CAPZB: variants seen among roughly 807,000 people sequenced by gnomAD.
CAPZB encodes the protein capping actin protein of muscle Z-line subunit beta.
A neutral mutation model predicts 38.1 loss-of-function variants in CAPZB; 2 were observed. The ratio of observed to expected loss-of-function variants is 0.05; its 90% CI spans 0.02 to 0.17. CAPZB has a LOEUF of 0.17. Among genes scored for constraint, CAPZB ranks in the 10% least tolerant of loss-of-function variants. The probability of loss-of-function intolerance (pLI) is 1.00; values close to 1 mark genes in which losing one functional copy is unlikely to be tolerated. For synonymous variants in CAPZB, 107 were observed against 127.4 expected (o/e 0.84, Z 1.08); for missense variants, 161 against 334.2 (o/e 0.48, Z 4.04).
At chr1:19,408,412 A>C (rs1414522247) in intron 2 of CAPZB, among the ~76,000 whole-genome samples, 1 of 152,232 alleles carries the variant, frequency 6.6e-6, no homozygotes, top group Non-Finnish European at 1.5e-5. Context: ...CCAAGGTCTC[A>C]AAGCTGGAAG....
intron 4 of CAPZB, among the ~76,000 whole-genome samples, chr1:19,373,677 T>C (rs1012984578): frequency 6.9e-6 from 1 of 145,210 alleles, no homozygotes; most frequent in Admixed American, 6.7e-5. Context: ...TCACATATTT[T>C]TTATTTTTTA....
At chr1:19,389,463 T>C (rs2094220759) in intron 2 of CAPZB, among the ~76,000 whole-genome samples, 2 of 152,088 alleles carry the variant, frequency 1.3e-5, no homozygotes, top group Non-Finnish European at 2.9e-5. Flanking sequence ...AGTCCAGCTC[T>C]GTCACCCAGG....
intron 1 of CAPZB, among the ~76,000 whole-genome samples, chr1:19,457,865 A>AAAC (rs999041921): frequency 1.3e-5 from 2 of 152,170 alleles, no homozygotes; most frequent in Non-Finnish European, 2.9e-5. Context: ...AAAAAAAGAA[A>AAAC]AACAACAACA....
chr1:19,410,595 G>T (rs566482966), intron 2 of CAPZB, among the ~76,000 whole-genome samples: 7 of 152,228 alleles, frequency 4.6e-5, no homozygotes, highest in African/African-American at 1.7e-4. Flanking sequence ...CGGCTCCTCT[G>T]CTGGTCAAGC....
chr1:19,444,846 G>T (rs552255894), intron 1 of CAPZB, among the ~76,000 whole-genome samples: 1 of 152,106 alleles, frequency 6.6e-6, no homozygotes, highest in Non-Finnish European at 1.5e-5. Context: ...AGGTTCAAGC[G>T]ATTCTCTTGC....
chr1:19,374,788 T>C (rs2094136822), intron 4 of CAPZB, among the ~76,000 whole-genome samples: 1 of 152,218 alleles, frequency 6.6e-6, no homozygotes, highest in Admixed American at 6.5e-5. Context: ...CCTCTCAGAA[T>C]GACCCTTGCC....
chr1:19,472,907 C>T (rs1471282761), intron 1 of CAPZB, among the ~76,000 whole-genome samples: 2 of 151,774 alleles, frequency 1.3e-5, no homozygotes, highest in Non-Finnish European at 2.9e-5. Context: ...TTAGTAGAGA[C>T]GGGATTTCAT....
At chr1:19,457,422 C>CTGTG (rs2094536375) in intron 1 of CAPZB, among the ~76,000 whole-genome samples, 1 of 152,166 alleles carries the variant, frequency 6.6e-6, no homozygotes, top group South Asian at 2.1e-4. Context: ...TCAGAGGGCA[C>CTGTG]TGTGTGATCC....
intron 6 of CAPZB, among the ~76,000 whole-genome samples, chr1:19,345,891 C>T (rs191499069): frequency 7.2e-5 from 11 of 152,290 alleles, no homozygotes; most frequent in Non-Finnish European, 1.6e-4. Flanking sequence ...AGAGTTTGAG[C>T]AAGAGAGTCT....
intron 1 of CAPZB, among the ~76,000 whole-genome samples, chr1:19,432,060 A>AAAAG (rs1558256208): frequency 3.3e-5 from 5 of 149,440 alleles, no homozygotes; most frequent in African/African-American, 1.2e-4. Flanking sequence ...AAAAAAAAAA[A>AAAAG]AAAAAGAAAA....
chr1:19,394,647 C>A (rs545711880), intron 2 of CAPZB, among the ~76,000 whole-genome samples: 1 of 152,068 alleles, frequency 6.6e-6, no homozygotes, highest in Non-Finnish European at 1.5e-5. Context: ...ATCCAGGAGG[C>A]GGAGGTTGCA....
chr1:19,370,717 C>T (rs761144396), intron 4 of CAPZB, among the ~76,000 whole-genome samples: 11 of 152,124 alleles, frequency 7.2e-5, no homozygotes, highest in East Asian at 1.9e-4. Flanking sequence ...CTGCCAGCCG[C>T]GGGCCAAGCT....
intron 2 of CAPZB, among the ~76,000 whole-genome samples, chr1:19,419,067 C>A (rs2094391530): frequency 6.6e-6 from 1 of 152,194 alleles, no homozygotes; most frequent in Admixed American, 6.5e-5. Flanking sequence ...ATATTTTGAG[C>A]ACTCTTCAAA....
At chr1:19,477,867 A>T (rs2094612269) in intron 1 of CAPZB, among the ~76,000 whole-genome samples, 1 of 152,202 alleles carries the variant, frequency 6.6e-6, no homozygotes, top group African/African-American at 2.4e-5. Context: ...CCACTGACAC[A>T]CACCACAGCA....
intron 4 of CAPZB, among the ~76,000 whole-genome samples, chr1:19,365,369 C>A (rs1017348856): frequency 6.6e-6 from 1 of 152,168 alleles, no homozygotes; most frequent in Admixed American, 6.5e-5. Context: ...CAGGAATATA[C>A]GTGAAAGCAG....
chr1:19,379,227 T>G (rs1161579888), intron 3 of CAPZB, among the ~76,000 whole-genome samples: 7 of 151,836 alleles, frequency 4.6e-5, no homozygotes, highest in African/African-American at 1.7e-4. Flanking sequence ...GCCTCCTGAG[T>G]AGCTGGAATT....
At chr1:19,471,630 C>T (rs992174341) in intron 1 of CAPZB, among the ~76,000 whole-genome samples, 3 of 152,130 alleles carry the variant, frequency 2.0e-5, no homozygotes, top group South Asian at 2.1e-4. Context: ...TTTGGGAGGT[C>T]AAGGTGGGCA....
intron 2 of CAPZB, among the ~76,000 whole-genome samples, chr1:19,417,225 A>G (rs1331934156): frequency 1.3e-5 from 2 of 152,214 alleles, no homozygotes; most frequent in African/African-American, 4.8e-5. Flanking sequence ...AAAACACTTC[A>G]GTTGCCATAA....
At chr1:19,419,821 G>C in intron 1 of CAPZB, 71 bp from the exon 2 acceptor site, 1 of 933,566 alleles carries the variant, frequency 1.1e-6, no homozygotes, top group Non-Finnish European at 1.7e-6. Flanking sequence ...CTTTTAAAAA[G>C]CATGCTTGCC....
Sources: gnomAD v4.1 joint callset for allele counts (sites outside exome capture counted in the v4.1 genomes callset) on GRCh38, gnomAD v4.1.1 for gene constraint, MANE v1.5 for transcripts, NCBI Gene and HGNC (gene_info 2026-07-23, HGNC 2026-07-21) for gene names.